TENM4: variants seen among roughly 807,000 people sequenced by gnomAD.
TENM4 encodes the protein teneurin-4.
A neutral mutation model predicts 243.3 loss-of-function variants in TENM4; 82 were observed. The ratio of observed to expected loss-of-function variants is 0.34; its 90% CI spans 0.28 to 0.40. The LOEUF is 0.40. Among genes scored for constraint, TENM4 ranks in the 10% least tolerant of loss-of-function variants. TENM4 has a pLI of 1.00. For missense variants in TENM4, 3,138 were observed against 3,673.3 expected (o/e 0.85, Z 3.77); for synonymous variants, 1,412 against 1,456.3 (o/e 0.97, Z 0.69).
intron 31 of TENM4, among the ~76,000 whole-genome samples, chr11:78,670,868 C>T (rs1468773232): frequency 2.6e-5 from 4 of 152,198 alleles, no homozygotes; most frequent in Non-Finnish European, 4.4e-5. Context: ...TGAGCAGCCT[C>T]GTGGGTTTGC....
chr11:78,737,829 T>C (rs904775771), intron 20 of TENM4, among the ~76,000 whole-genome samples: 2 of 152,224 alleles, frequency 1.3e-5, no homozygotes, highest in Non-Finnish European at 1.5e-5. Context: ...TAAGATTTGT[T>C]AACCACGTAC....
intron 3 of TENM4, among the ~76,000 whole-genome samples, chr11:79,173,874 G>A (rs1202329417): frequency 6.6e-6 from 1 of 152,210 alleles, no homozygotes; most frequent in Non-Finnish European, 1.5e-5. Context: ...AATGTCTTCA[G>A]GAATGAATCA....
Position 78,903,451 on chromosome 11 carries a change from G to A in TENM4, c.566C>T (p.Pro189Leu). 7 of 1,548,924 alleles carry A rather than the reference G, an allele frequency of 4.5e-6. No homozygotes were observed. Among genetic ancestry groups the A allele is most frequent in the South Asian group, 2.4e-5 (2 of 83,914 alleles). ...AATGGAGGCCGCGTGGTGCTGGTTG[G>A]GGGTGTGGGCGTGCGAGAGCGGCGG... ...PPPPLSHAHT[P>L]NQHHAASINS... The change falls in exon 7 of 34, where the codon CCC becomes CTC. Residue 189 changes from proline (P) to leucine (L), a missense_variant. Pro to Leu is a moderately conservative substitution (Grantham distance 98). Around this residue, in one of 2 missense-constraint regions of TENM4, gnomAD observed 671 missense variants for 614.1 expected, o/e 1.09. Transcript: ENST00000278550.
rs539657445 is a variant in TENM4 at position 79,029,340 on chromosome 11, C to T, written c.493+35398G>A. Among the ~76,000 whole-genome samples, 185 of 152,292 alleles carry T rather than the reference C, an allele frequency of 1.2e-3. 4 individuals carry two copies. The South Asian group carries it at 0.029, about 24-fold the overall frequency. ...CTCCTCCGCCTGCTAGATTCACCTG[C>T]TTTCAAATTTGTTTTCTGGGAGCCG... On this transcript the variant is annotated intron_variant, in intron 6 of 33. Coordinates refer to ENST00000278550, the MANE Select transcript of TENM4 (RefSeq NM_001098816.3).
At chr11:78,664,257 G>A (rs1224393115) in intron 32 of TENM4, among the ~76,000 whole-genome samples, 4 of 152,090 alleles carry the variant, frequency 2.6e-5, no homozygotes, top group Non-Finnish European at 5.9e-5. Flanking sequence ...ATAAATTACT[G>A]GATTTAATGT....
Position 78,746,621 on chromosome 11 carries a change from G to A in TENM4, c.2757-8051C>T, listed in dbSNP as rs79603756. ...ATGCTTCCAGGGAACTGAGCCCATC[G>A]ACTATGGTGAGGGAGAAGCAGGACT... On this transcript the variant is annotated intron_variant, in intron 19 of 33. Transcript: ENST00000278550. Among the ~76,000 whole-genome samples, 1,450 of 152,330 alleles carry A rather than the reference G, an allele frequency of 9.5e-3. 11 individuals carry two copies. The highest frequency in any genetic ancestry group is 0.02 in the Middle Eastern group (6 of 294).
intron 5 of TENM4, among the ~76,000 whole-genome samples, chr11:79,066,169 A>C (rs760408141): frequency 2.6e-4 from 40 of 152,172 alleles, no homozygotes; most frequent in Non-Finnish European, 5.6e-4. Context: ...TAAGTGTGCA[A>C]GTTCAAAATG....
intron 19 of TENM4, among the ~76,000 whole-genome samples, chr11:78,751,779 T>A (rs897998562): frequency 6.6e-6 from 1 of 152,154 alleles, no homozygotes; most frequent in Non-Finnish European, 1.5e-5. Flanking sequence ...ATGTCTCACG[T>A]TGCCCTCCCT....
At chr11:79,315,435 A>G (rs1856787481) in intron 1 of TENM4, among the ~76,000 whole-genome samples, 1 of 152,218 alleles carries the variant, frequency 6.6e-6, no homozygotes, top group African/African-American at 2.4e-5. Context: ...CTGTTGCCAC[A>G]TGTCTTGCAG....
At chr11:78,659,211 T>C (rs529410106) in intron 33 of TENM4, among the ~76,000 whole-genome samples, 1 of 152,326 alleles carries the variant, frequency 6.6e-6, no homozygotes, top group South Asian at 2.1e-4. Context: ...GAACTAGTAA[T>C]AGCCATAGCT....
chr11:78,985,959 T>A (rs940669696), intron 6 of TENM4, among the ~76,000 whole-genome samples: 1 of 152,192 alleles, frequency 6.6e-6, no homozygotes, highest in Non-Finnish European at 1.5e-5. Flanking sequence ...GCCCTATGCA[T>A]CTAATGGAGC....
chr11:78,933,206 C>T (rs928411862), intron 6 of TENM4, among the ~76,000 whole-genome samples: 2 of 152,018 alleles, frequency 1.3e-5, no homozygotes, highest in Non-Finnish European at 2.9e-5. Flanking sequence ...AAGTGAGAAT[C>T]GGTTTTCTCA....
chr11:79,207,153 C>G (rs1004792636), intron 3 of TENM4, among the ~76,000 whole-genome samples: 2 of 152,128 alleles, frequency 1.3e-5, no homozygotes, highest in Non-Finnish European at 2.9e-5. Context: ...CCTGCAAGTT[C>G]ACCTCCAGGG....
chr11:79,350,719 C>A (rs780404707), intron 1 of TENM4, among the ~76,000 whole-genome samples: 1 of 151,946 alleles, frequency 6.6e-6, no homozygotes, highest in African/African-American at 2.4e-5. Context: ...GAATTACACG[C>A]ATAAGTCACC....
At chr11:79,432,250 C>A (rs948280121) in intron 1 of TENM4, among the ~76,000 whole-genome samples, 1 of 152,212 alleles carries the variant, frequency 6.6e-6, no homozygotes, top group Non-Finnish European at 1.5e-5. Context: ...CTTCCTCCCT[C>A]ATCTCTGTGT....
chr11:79,291,983 T>C (rs1653639919), intron 2 of TENM4, among the ~76,000 whole-genome samples: 1 of 152,178 alleles, frequency 6.6e-6, no homozygotes, highest in African/African-American at 2.4e-5. Context: ...ATCCTAGTCC[T>C]GCCCAGGTCG....
chr11:78,818,992 G>C (rs1019237639), intron 12 of TENM4, among the ~76,000 whole-genome samples: 6 of 151,704 alleles, frequency 4.0e-5, no homozygotes, highest in African/African-American at 1.5e-4. Flanking sequence ...TGATTTTCAG[G>C]AACTTGTTTT....
At chr11:79,029,422 C>T (rs774498541) in intron 6 of TENM4, among the ~76,000 whole-genome samples, 1 of 152,194 alleles carries the variant, frequency 6.6e-6, no homozygotes, top group Non-Finnish European at 1.5e-5. Flanking sequence ...CTGCCACCTC[C>T]CCACCCTCAA....
At chr11:79,137,142 T>A (rs1049259445) in intron 4 of TENM4, among the ~76,000 whole-genome samples, 3 of 152,154 alleles carry the variant, frequency 2.0e-5, no homozygotes, top group African/African-American at 7.2e-5. Context: ...GAGGTTTTAG[T>A]TCCAGAGGGA....
Sources: gnomAD v4.1 joint callset for allele counts (sites outside exome capture counted in the v4.1 genomes callset) on GRCh38, gnomAD v4.1.1 for gene constraint, gnomAD v4.1.1 regional missense constraint, MANE v1.5 for transcripts, NCBI Gene and HGNC (gene_info 2026-07-23, HGNC 2026-07-21) for gene names.